ADGRD1: variants seen among roughly 807,000 people sequenced by gnomAD.
ADGRD1 encodes the protein G-protein coupled receptor 133.
In ADGRD1, 77 loss-of-function variants were observed where a neutral mutation model predicts 113.4. That is an observed-to-expected ratio of 0.68 (90% CI 0.57 to 0.82). The LOEUF is 0.82. ADGRD1 is among the 40% of genes least tolerant of loss of function. The pLI, the probability that ADGRD1 is intolerant of heterozygous loss-of-function variation, is 0.00. For missense variants in ADGRD1, 1,036 were observed against 1,139.1 expected, an observed-to-expected ratio of 0.91 and a Z score of 1.30; for synonymous variants, 474 against 475.0, an observed-to-expected ratio of 1.00 and a Z score of 0.03.
chr12:131,061,227 G>A (rs1336253811), intron 13 of ADGRD1, among the ~76,000 whole-genome samples: 1 of 152,158 alleles, frequency 6.6e-6, no homozygotes, highest in Non-Finnish European at 1.5e-5. Flanking sequence ...ACTCAGGCTG[G>A]GAGTATGCCT....
At position 131,075,943 on chromosome 12, in the gene ADGRD1, A is replaced by G; in HGVS notation, c.1474-858A>G. On this transcript the variant is annotated intron_variant, in intron 13 of 24. Transcript: ENST00000261654. This position sits in a 1 kb window ranked among gnomAD's most constrained non-coding sequence, Gnocchi z 5.3. ...ATCCATCAGACACCATTTATCCCGG[A>G]GCCATGCCACCTCTGAGCAGCCCTG... Among the ~76,000 whole-genome samples, 1 of 152,114 alleles carries G rather than the reference A, an allele frequency of 6.6e-6. No homozygotes were observed. The highest frequency in any genetic ancestry group is 2.4e-5 in the African/African-American group (1 of 41,432).
rs191454730 is a variant in ADGRD1, at chr12:131,114,736, G to C, written c.2042-3649G>C. Among the ~76,000 whole-genome samples, 5 of 130,858 alleles carry C rather than the reference G, an allele frequency of 3.8e-5. No individual in the cohort carries two copies. In the East Asian group the frequency reaches 1.1e-3, roughly 30 times the overall value. 85.8% of individuals were successfully genotyped at this position (130,858 alleles called of 152,430 possible). A position where few individuals can be genotyped will look rare whatever the true frequency, so the allele number is the denominator to read the frequency against. Reference sequence around the variant, plus strand: ...ATTTTTTGGAAACTGAGGTGGGGTGGGGGGGCATCAAATCCACACCTTACC... The same window carrying C: ...ATTTTTTGGAAACTGAGGTGGGGTGCGGGGGCATCAAATCCACACCTTACC... On this transcript the variant is annotated intron_variant, in intron 18 of 24. Coordinates refer to ENST00000261654, the MANE Select transcript of ADGRD1 (RefSeq NM_198827.5).
At chr12:131,117,170 C>T (rs186716670) in intron 18 of ADGRD1, among the ~76,000 whole-genome samples, 1 of 152,322 alleles carries the variant, frequency 6.6e-6, no homozygotes, top group East Asian at 1.9e-4. Context: ...AATGATGAAG[C>T]TCTGGGGACT....
chr12:130,963,176 C>T (rs994592643), intron 2 of ADGRD1: 9 of 152,058 alleles, frequency 5.9e-5, no homozygotes, highest in African/African-American at 1.9e-4. Context: ...AAAAATTAGC[C>T]AGGCGTGGTG....
At chr12:131,051,648 G>A (rs138729039) in intron 13 of ADGRD1, among the ~76,000 whole-genome samples, 19 of 152,076 alleles carry the variant, frequency 1.2e-4, no homozygotes, top group Non-Finnish European at 2.2e-4. Context: ...CACGCCAGGC[G>A]AATTTTTTTG....
chr12:130,975,212 G>A (rs1014390204), intron 4 of ADGRD1, among the ~76,000 whole-genome samples: 3 of 152,066 alleles, frequency 2.0e-5, no homozygotes, highest in Non-Finnish European at 2.9e-5. Context: ...TAAACTTTAC[G>A]GGGATGAGCT....
At chr12:131,086,175 G>T (rs1358125466) in intron 15 of ADGRD1, among the ~76,000 whole-genome samples, 2 of 152,222 alleles carry the variant, frequency 1.3e-5, no homozygotes, top group Non-Finnish European at 2.9e-5. Flanking sequence ...CGCAGTGTCT[G>T]CACTGGGCCA....
At position 130,966,636 on chromosome 12, in the gene ADGRD1, TC is replaced by T; in HGVS notation, c.187+93del. ...GTGCTGAGAGTGGCTGGCCTTGAAATCCCAGGGCCATTGGGGGACGTGGGTG... is the reference window on the plus strand; with the variant it reads ...GTGCTGAGAGTGGCTGGCCTTGAAATCCAGGGCCATTGGGGGACGTGGGTG... On this transcript the variant is annotated intron_variant, in intron 3 of 24. Transcript: ENST00000261654. The surrounding 1 kb of genome is among the most constrained non-coding windows in gnomAD (Gnocchi z 4.6). 1.2e-6 allele frequency: 1 copy of T among 825,788 alleles called. No individual in the cohort carries two copies. Among genetic ancestry groups the T allele is most frequent in the Non-Finnish European group, 2.1e-6 (1 of 469,122 alleles). 51.2% of individuals were successfully genotyped at this position (825,788 alleles called of 1,614,324 possible).
At chr12:131,086,553 G>C (rs534687238) in intron 15 of ADGRD1, among the ~76,000 whole-genome samples, 2 of 152,236 alleles carry the variant, frequency 1.3e-5, no homozygotes, top group African/African-American at 4.8e-5. Flanking sequence ...TGGAGACAGG[G>C]CCCTGGTTTT....
At chr12:130,968,040 T>A (rs144220877) in intron 3 of ADGRD1, 1 of 152,238 alleles carries the variant, frequency 6.6e-6, no homozygotes, top group African/African-American at 2.4e-5. Context: ...AATGCCTTCT[T>A]GAAACAGCTC....
intron 15 of ADGRD1, among the ~76,000 whole-genome samples, chr12:131,100,373 GTTGA>G: frequency 6.6e-6 from 1 of 152,032 alleles, no homozygotes; most frequent in East Asian, 1.9e-4. Flanking sequence ...GTTCAGGTTG[GTTGA>G]TGGTGAAGTT....
chr12:131,109,204 A>G (rs1950298364), intron 18 of ADGRD1, among the ~76,000 whole-genome samples: 2 of 152,178 alleles, frequency 1.3e-5, no homozygotes, highest in South Asian at 4.2e-4. Flanking sequence ...CTTTTCAAAG[A>G]ACCAACTTTT....
At chr12:130,963,651 C>T (rs1260941290) in intron 2 of ADGRD1, among the ~76,000 whole-genome samples, 1 of 152,150 alleles carries the variant, frequency 6.6e-6, no homozygotes, top group Non-Finnish European at 1.5e-5. Flanking sequence ...TATTCCAGTC[C>T]AGAGTGTAGA....
At position 130,987,217 on chromosome 12, in the gene ADGRD1, A is replaced by G. The variant is rs781710819; in HGVS notation, c.613A>G (p.Asn205Asp). ...AGTGTCTCGTGACTATGGAGAGTCCAACGTCAACCTCGTGATAGGGTCTGA... is the reference window on the plus strand; with the variant it reads ...AGTGTCTCGTGACTATGGAGAGTCCGACGTCAACCTCGTGATAGGGTCTGA... Reference protein sequence around the residue: ...GKVSRDYGESNVNLVIGSEQD... With the variant: ...GKVSRDYGESDVNLVIGSEQD... Residue 205 changes from asparagine (N) to aspartate (D), a missense_variant, in exon 6 of 25, where the codon AAC (asparagine) becomes GAC (aspartate). By Grantham distance (23) the Asn-to-Asp change is conservative. Coordinates refer to ENST00000261654, the MANE Select transcript of ADGRD1 (RefSeq NM_198827.5). 1.5e-5 allele frequency: 25 copies of G among 1,614,104 alleles called. No homozygotes were observed. Among genetic ancestry groups the G allele is most frequent in the Non-Finnish European group, 2.1e-5 (25 of 1,180,044 alleles).
chr12:131,103,596 G>A (rs1013818461), intron 15 of ADGRD1, among the ~76,000 whole-genome samples: 3 of 152,248 alleles, frequency 2.0e-5, no homozygotes, highest in Admixed American at 2.0e-4. Context: ...CTGAGCTGGG[G>A]CCCCCTGGGC....
At chr12:131,085,025 C>T (rs541923159) in intron 15 of ADGRD1, among the ~76,000 whole-genome samples, 3 of 152,300 alleles carry the variant, frequency 2.0e-5, no homozygotes, top group African/African-American at 4.8e-5. Context: ...CTGGGGGCTC[C>T]GCTGTAAACA....
intron 18 of ADGRD1, among the ~76,000 whole-genome samples, chr12:131,117,164 A>G (rs544055234): frequency 6.6e-6 from 1 of 152,338 alleles, no homozygotes; most frequent in South Asian, 2.1e-4. Flanking sequence ...TTGCAGAATG[A>G]TGAAGCTCTG....
intron 8 of ADGRD1, among the ~76,000 whole-genome samples, chr12:130,993,093 G>A (rs1020878859): frequency 2.6e-5 from 4 of 152,192 alleles, no homozygotes; most frequent in Non-Finnish European, 5.9e-5. Context: ...CCTTGGTCAA[G>A]TGACCTAACA....
intron 23 of ADGRD1, 195 bp downstream of exon 23, chr12:131,137,209 T>G: frequency 1.6e-6 from 1 of 620,586 alleles, no homozygotes. Flanking sequence ...GCCTAGTTGC[T>G]AAGCGATATG....
Sources: gnomAD v4.1 joint callset for allele counts (sites outside exome capture counted in the v4.1 genomes callset) on GRCh38, gnomAD v4.1.1 for gene constraint, Gnocchi (gnomAD v3.1) non-coding constraint, MANE v1.5 for transcripts, NCBI Gene and HGNC (gene_info 2026-07-23, HGNC 2026-07-21) for gene names.